Variants in SMC1B observed in about 807,000 individuals in gnomAD.
SMC1B encodes structural maintenance of chromosomes 1B.
Under a neutral mutation model 157.9 loss-of-function variants are expected in SMC1B, and 60 were observed. That is an observed-to-expected ratio of 0.38 (90% confidence interval 0.31 to 0.47). The LOEUF (loss-of-function observed/expected upper bound fraction) is 0.47, where lower values mean the gene tolerates loss of function less well. Among genes scored for constraint, SMC1B ranks in the 20% least tolerant of loss-of-function variants. SMC1B has a pLI of 0.99. For missense variants in SMC1B, 1,165 were observed against 1,426.2 expected (o/e 0.82, Z 2.95); for synonymous variants, 445 against 483.0 (o/e 0.92, Z 1.03).
At position 45,354,011 on chromosome 22, in the gene SMC1B, G is replaced by GATTT. The variant is rs758926560; in HGVS notation, c.3236_3239dup (p.Tyr1081AsnfsTer16). The GATTT allele has an allele frequency of 6.3e-7, 1 of 1,587,406 alleles. No individual in the cohort carries two copies. Among genetic ancestry groups the GATTT allele is most frequent in the Non-Finnish European group, 8.6e-7 (1 of 1,168,806 alleles). On this transcript the variant is annotated frameshift_variant, in exon 21 of 25. Transcript: ENST00000357450. LOFTEE classifies it high-confidence loss of function. ...TGTTGTTTCTGCAGAGCTTCTTGTA[G>GATTT]ATTTGATCAATTGAGATTGAGACAT...
intron 6 of SMC1B, among the ~76,000 whole-genome samples, chr22:45,397,394 G>A (rs1180063517): frequency 6.6e-6 from 1 of 152,128 alleles, no homozygotes; most frequent in Non-Finnish European, 1.5e-5. Context: ...GCATGCGCCT[G>A]TAGACGGGAG....
intron 15 of SMC1B, among the ~76,000 whole-genome samples, chr22:45,366,684 G>A (rs2146786926): frequency 6.6e-6 from 1 of 152,294 alleles, no homozygotes; most frequent in South Asian, 2.1e-4. Context: ...GATCACCTGA[G>A]GTCAGGAGTT....
chr22:45,372,432 C>T, intron 12 of SMC1B, 140 bp from the exon 13 acceptor site: 1 of 690,516 alleles, frequency 1.4e-6, no homozygotes, highest in East Asian at 2.9e-5. Flanking sequence ...TGATAAGAGA[C>T]TGGGCAATTA....
intron 7 of SMC1B, among the ~76,000 whole-genome samples, chr22:45,395,169 C>G (rs1354128938): frequency 1.3e-5 from 2 of 152,152 alleles, no homozygotes; most frequent in African/African-American, 4.8e-5. Context: ...GAAAGAGTCC[C>G]TGCCCTCAAA....
chr22:45,354,238 CTT>C, intron 20 of SMC1B, 106 bp from the exon 21 acceptor site: 3 of 899,402 alleles, frequency 3.3e-6, no homozygotes, highest in Non-Finnish European at 4.8e-6. Context: ...GTTTGGATCT[CTT>C]GAGTAAAGGT....
chr22:45,386,022 T>C (rs1049714015), intron 11 of SMC1B, among the ~76,000 whole-genome samples: 2 of 152,074 alleles, frequency 1.3e-5, no homozygotes, highest in African/African-American at 4.8e-5. Flanking sequence ...TTTTGAGAGC[T>C]ATTTGCCAGG....
intron 4 of SMC1B, among the ~76,000 whole-genome samples, chr22:45,403,008 G>A (rs1420649202): frequency 6.6e-6 from 1 of 152,166 alleles, no homozygotes; most frequent in African/African-American, 2.4e-5. Context: ...GATAAAACAG[G>A]ACTCTTACAG....
chr22:45,354,051 G>A lies in SMC1B; in HGVS notation c.3200C>T (p.Thr1067Ile), dbSNP rs2086645084. 2 of 1,603,164 alleles carry A rather than the reference G, an allele frequency of 1.2e-6. No homozygotes were observed. The highest frequency in any genetic ancestry group is 1.7e-6 in the Non-Finnish European group (2 of 1,176,120). ...GATTGAGACATGCTCAAAACACTGG[G>A]TGAAAAGATCGTATCTCCTTTTTTT... ...QVKKRRYDLF[T>I]QCFEHVSISI... Residue 1067 changes from threonine to isoleucine, a missense_variant, in exon 21 of 25, where the codon ACC becomes ATC. Thr to Ile is a moderately conservative substitution (Grantham distance 89). Coordinates refer to ENST00000357450, the MANE Select transcript of SMC1B (RefSeq NM_148674.5).
Position 45,413,450 on chromosome 22 carries a change from C to G in SMC1B, c.109+9G>C. On this transcript the variant is annotated intron_variant, in intron 1 of 24. Transcript: ENST00000357450. Reference sequence around the variant, plus strand: ...GGCGCTCCGGTGGCGCCCTGAGCTGCTCAGTTACCAGAGCCGTTGGGGCCG... The same window carrying G: ...GGCGCTCCGGTGGCGCCCTGAGCTGGTCAGTTACCAGAGCCGTTGGGGCCG... 1.9e-6 allele frequency: 3 copies of G among 1,599,378 alleles called. No homozygotes were observed. Among genetic ancestry groups the G allele is most frequent in the Non-Finnish European group, 2.6e-6 (3 of 1,172,308 alleles).
At chr22:45,387,387 T>C (rs1353668809) in intron 10 of SMC1B, among the ~76,000 whole-genome samples, 2 of 152,112 alleles carry the variant, frequency 1.3e-5, no homozygotes, top group Admixed American at 1.3e-4. Context: ...GAGACAGTAG[T>C]TGTAGTGAGC....
rs2087327768 is a variant in SMC1B, at chr22:45,411,089, C to A, written c.110-2191G>T. ...AAAATAAATACTTCTCATCCAAATC[C>A]ATTTATTCCATTAAATTTCATTAAT... On this transcript the variant is annotated intron_variant, in intron 1 of 24. Coordinates refer to ENST00000357450, the MANE Select transcript of SMC1B (RefSeq NM_148674.5). Among the ~76,000 whole-genome samples, 4 of 152,260 alleles carry A rather than the reference C, an allele frequency of 2.6e-5. No individual in the cohort carries two copies. The South Asian group carries it at 8.3e-4, about 32-fold the overall frequency.
intron 4 of SMC1B, among the ~76,000 whole-genome samples, chr22:45,402,780 C>T (rs533667590): frequency 3.3e-5 from 5 of 152,200 alleles, no homozygotes; most frequent in South Asian, 2.1e-4. Context: ...TGTGTTCTTG[C>T]GCTCAGTGGT....
At chr22:45,359,993 T>C (rs777136131) in intron 17 of SMC1B, 35 bp from the exon 18 acceptor site, 13 of 1,566,318 alleles carry the variant, frequency 8.3e-6, no homozygotes, top group Non-Finnish European at 1.1e-5. Flanking sequence ...GTAATTTTAC[T>C]CATTATGTAA....
rs201638337 is a variant in SMC1B, at chr22:45,383,458, T to C, written c.2058+9A>G. 5 of 1,571,902 alleles carry C rather than the reference T, an allele frequency of 3.2e-6. No homozygotes were observed. The highest frequency in any genetic ancestry group is 2.1e-5 in the Admixed American group (1 of 47,622). ...TTAGTATATTACAACTTTTATGACA[T>C]GGATTTACCTTTAGCTCTTGGATTT... On this transcript the variant is annotated intron_variant, in intron 12 of 24. Coordinates refer to ENST00000357450, the MANE Select transcript of SMC1B (RefSeq NM_148674.5).
intron 12 of SMC1B, among the ~76,000 whole-genome samples, chr22:45,375,501 T>A (rs530953353): frequency 6.6e-6 from 1 of 152,386 alleles, no homozygotes; most frequent in East Asian, 1.9e-4. Context: ...CTTCCAAGAC[T>A]ACATTGAATA....
At chr22:45,398,553 G>A (rs1405915292) in intron 6 of SMC1B, among the ~76,000 whole-genome samples, 2 of 152,186 alleles carry the variant, frequency 1.3e-5, no homozygotes, top group Admixed American at 6.5e-5. Flanking sequence ...GCATCGGCCG[G>A]GCATGGTGGC....
At chr22:45,350,436 C>G (rs921019686) in intron 22 of SMC1B, among the ~76,000 whole-genome samples, 1 of 152,300 alleles carries the variant, frequency 6.6e-6, no homozygotes. Flanking sequence ...CGCCACTATG[C>G]CCAGCTAATT....
At chr22:45,385,466 AAC>A (rs1402417592) in intron 11 of SMC1B, among the ~76,000 whole-genome samples, 2 of 152,128 alleles carry the variant, frequency 1.3e-5, no homozygotes, top group African/African-American at 4.8e-5. Context: ...CCCAATCTAA[AAC>A]ACAGAGAAAA....
intron 11 of SMC1B, among the ~76,000 whole-genome samples, chr22:45,385,497 G>A (rs1328920747): frequency 2.0e-5 from 3 of 152,028 alleles, no homozygotes; most frequent in Non-Finnish European, 1.5e-5. Flanking sequence ...AAGTTCCTGA[G>A]ATATAATTAA....
Sources: allele counts gnomAD v4.1 joint callset (sites outside exome capture counted in the v4.1 genomes callset), GRCh38; gene constraint gnomAD v4.1.1; transcripts MANE v1.5; gene names NCBI Gene and HGNC (gene_info 2026-07-23, HGNC 2026-07-21).